The following RNF168 variants were observed in gnomAD, a reference collection of about 807,000 sequenced individuals.
RNF168 encodes ring finger protein 168.
RNF168 carries 34 observed loss-of-function variants against 34.9 expected under a neutral mutation model. The ratio of observed to expected loss-of-function variants is 0.97; its 90% CI spans 0.74 to 1.30. The LOEUF (loss-of-function observed/expected upper bound fraction) is 1.30. RNF168 is among the 50% of genes most tolerant of loss of function. RNF168 has a pLI of 0.00. For synonymous variants in RNF168, 264 were observed against 254.7 expected (o/e 1.04, Z -0.35); for missense variants, 725 against 682.5 (o/e 1.06, Z -0.69).
intron 1 of RNF168, among the ~76,000 whole-genome samples, chr3:196,489,704 A>T (rs1034397955): frequency 3.9e-5 from 6 of 152,328 alleles, no homozygotes; most frequent in African/African-American, 1.4e-4. Context: ...GCAGAAATGA[A>T]GGAAAAGAAA....
chr3:196,471,580 T>C lies in RNF168; in HGVS notation c.*239A>G. The C allele has an allele frequency of 2.1e-6, 1 of 476,064 alleles. No homozygotes were observed. Among genetic ancestry groups the C allele is most frequent in the Non-Finnish European group, 3.8e-6 (1 of 263,278 alleles). The allele number at this position is 476,064 out of a possible 1,614,324, so 29.5% of individuals were successfully genotyped here. A position where few individuals can be genotyped will look rare whatever the true frequency, so the allele number is the denominator to read the frequency against. ...CCAAAGCTTAAGATATCTCTAAGAA[T>C]TGTAAAGCTTAATACACATCTGTTA... On this transcript the variant is annotated 3_prime_UTR_variant, in exon 6 of 6. Transcript: ENST00000318037.
rs1180046396 is a variant in RNF168, at chr3:196,491,911, T to G, written c.302-3228A>C. The stretch of plus-strand genomic sequence containing the variant: ...GGACAGACACTGTGTGGGGTTCCAC[T>G]CGTACGAGACACCTAGAGCAATTAA... On this transcript the variant is annotated intron_variant, in intron 1 of 5. Transcript: ENST00000318037. 2.6e-5 allele frequency among the ~76,000 whole-genome samples: 4 copies of G among 152,200 alleles called. No homozygotes were observed. In the East Asian group the frequency reaches 7.7e-4, roughly 29 times the overall value.
chr3:196,482,576 A>G lies in RNF168; in HGVS notation c.680+1194T>C, dbSNP rs116177917. ...CATTCCTACCAAGCAATGCGCAAGG[A>G]TTCCAATTTCTCCACATCTTTGTCA... is the stretch of plus-strand genomic sequence containing the variant. On this transcript the variant is annotated intron_variant, in intron 4 of 5. Coordinates refer to ENST00000318037, the MANE Select transcript of RNF168 (RefSeq NM_152617.4). Among the ~76,000 whole-genome samples the G allele has an allele frequency of 5.6e-3, 851 of 152,328 alleles. 3 individuals carry two copies. Among genetic ancestry groups the G allele is most frequent in the African/African-American group, 0.019 (783 of 41,576 alleles).
intron 4 of RNF168, among the ~76,000 whole-genome samples, chr3:196,475,552 CTTTTTTTT>C (rs771089639): frequency 7.5e-6 from 1 of 133,452 alleles, no homozygotes; most frequent in Non-Finnish European, 1.5e-5. Context: ...AATATTTTTT[CTTTTTTTT>C]TTTTTTTTGA....
chr3:196,478,087 CAG>C (rs1309618650), intron 4 of RNF168, among the ~76,000 whole-genome samples: 1 of 152,176 alleles, frequency 6.6e-6, no homozygotes, highest in African/African-American at 2.4e-5. Flanking sequence ...TTAAACAAAA[CAG>C]AAATACAGGA....
chr3:196,499,924 T>C (rs1732838884), intron 1 of RNF168, among the ~76,000 whole-genome samples: 1 of 152,146 alleles, frequency 6.6e-6, no homozygotes, highest in African/African-American at 2.4e-5. Flanking sequence ...CCTTAGTCAT[T>C]GGGGACATGC....
chr3:196,477,966 C>T (rs1365269028), intron 4 of RNF168, among the ~76,000 whole-genome samples: 1 of 151,716 alleles, frequency 6.6e-6, no homozygotes, highest in Admixed American at 6.6e-5. Context: ...TGCCTATAGT[C>T]CCAGCTACTC....
chr3:196,494,401 C>T (rs1285373830), intron 1 of RNF168, among the ~76,000 whole-genome samples: 3 of 152,136 alleles, frequency 2.0e-5, no homozygotes, highest in South Asian at 2.1e-4. Flanking sequence ...TGTCCCCATG[C>T]TTTTTATTTT....
chr3:196,492,863 G>A (rs891085769), intron 1 of RNF168, among the ~76,000 whole-genome samples: 2 of 151,986 alleles, frequency 1.3e-5, no homozygotes, highest in Admixed American at 6.6e-5. Context: ...GAAATAGTAC[G>A]TATATCAATG....
intron 1 of RNF168, among the ~76,000 whole-genome samples, chr3:196,494,255 C>T (rs1176730744): frequency 1.3e-5 from 2 of 152,138 alleles, no homozygotes; most frequent in East Asian, 1.9e-4. Flanking sequence ...AAACAACTCT[C>T]GACACTCTTC....
Position 196,472,175 on chromosome 3 carries a change from G to A in RNF168, c.1360C>T (p.Gln454Ter), listed in dbSNP as rs751825719. ...EQDRLLALQLQKEVDKEQMVP... is the reference protein window; with the variant it reads ...EQDRLLALQL ...ATTTGCTCTTTATCCACCTCCTTCT[G>A]AAGTTGTAATGCCAATAACCTGTCC... Residue 454 changes from glutamine (Q) to a stop codon, truncating the protein, a stop_gained, in exon 6 of 6, where the codon CAG becomes TAG. Transcript: ENST00000318037. LOFTEE classifies it high-confidence loss of function. The A allele has an allele frequency of 9.3e-6, 15 of 1,613,984 alleles. No homozygotes were observed. The Admixed American group carries it at 1.8e-4, about 20-fold the overall frequency.
chr3:196,503,121 A>T lies in RNF168; in HGVS notation c.53T>A (p.Ile18Asn). 2 of 1,614,148 alleles carry T rather than the reference A, an allele frequency of 1.2e-6. No individual in the cohort carries two copies. Among genetic ancestry groups the T allele is most frequent in the South Asian group, 2.2e-5 (2 of 91,076 alleles). Reference protein sequence around the residue: ...IPSLSECQCGICMEILVEPVT... With the variant: ...IPSLSECQCGNCMEILVEPVT... The stretch of plus-strand genomic sequence containing the variant: ...GGGCTCCACGAGGATTTCCATGCAG[A>T]TCCCGCACTGGCACTCGGACAGCGA... Residue 18 changes from isoleucine (I) to asparagine (N), a missense_variant, in exon 1 of 6, where the codon ATC (isoleucine) becomes AAC (asparagine). Coordinates refer to ENST00000318037, the MANE Select transcript of RNF168 (RefSeq NM_152617.4).
chr3:196,480,058 T>C (rs371121349), intron 4 of RNF168, among the ~76,000 whole-genome samples: 3 of 85,668 alleles, frequency 3.5e-5, no homozygotes, highest in Non-Finnish European at 7.3e-5. Flanking sequence ...CAAACCTTTG[T>C]AAATATTCCG....
At chr3:196,483,700 G>C in intron 4 of RNF168, 70 bp downstream of exon 4, 1 of 1,296,526 alleles carries the variant, frequency 7.7e-7, no homozygotes, top group Non-Finnish European at 1.1e-6. Context: ...ATCAGTAGTA[G>C]TCTATATGAA....
chr3:196,500,008 T>A (rs539616669), intron 1 of RNF168, among the ~76,000 whole-genome samples: 1 of 152,152 alleles, frequency 6.6e-6, no homozygotes, highest in Admixed American at 6.5e-5. Flanking sequence ...AAATAGCAAG[T>A]GTTGGCGAGG....
At chr3:196,497,143 C>T (rs994323512) in intron 1 of RNF168, among the ~76,000 whole-genome samples, 14 of 151,234 alleles carry the variant, frequency 9.3e-5, no homozygotes, top group Admixed American at 2.6e-4. Flanking sequence ...AAGACTCTGT[C>T]TCAAAAAGAA....
At chr3:196,501,936 G>C (rs968168907) in intron 1 of RNF168, among the ~76,000 whole-genome samples, 18 of 150,222 alleles carry the variant, frequency 1.2e-4, no homozygotes, top group Non-Finnish European at 2.5e-4. Context: ...GCGAGCATTT[G>C]AATAAAGCTT....
In RNF168 at chr3:196,503,522, T is replaced by G; in HGVS notation, c.-349A>C. On this transcript the variant is annotated 5_prime_UTR_variant, in exon 1 of 6. Transcript: ENST00000318037. The stretch of plus-strand genomic sequence containing the variant: ...GAGGGGAACGCGCCAAGTCCTCTCC[T>G]CCCCTCACCCGGAAAGGATGCTCCG... The G allele has an allele frequency of 2.8e-6, 1 of 352,394 alleles. No individual in the cohort carries two copies. The highest frequency in any genetic ancestry group is 5.5e-6 in the Non-Finnish European group (1 of 183,036). 21.8% of individuals were successfully genotyped at this position (352,394 alleles called of 1,614,324 possible).
At chr3:196,502,591 A>C (rs910735644) in intron 1 of RNF168, among the ~76,000 whole-genome samples, 2 of 151,540 alleles carry the variant, frequency 1.3e-5, no homozygotes, top group African/African-American at 4.9e-5. Context: ...CTGTCTCAAA[A>C]AAAAAAAAAA....
Sources: gnomAD v4.1 joint callset for allele counts (sites outside exome capture counted in the v4.1 genomes callset) on GRCh38, gnomAD v4.1.1 for gene constraint, MANE v1.5 for transcripts, NCBI Gene and HGNC (gene_info 2026-07-23, HGNC 2026-07-21) for gene names.